Variants in IFNAR1 observed in about 807,000 individuals in gnomAD.
IFNAR1 encodes the protein interferon alpha and beta receptor subunit 1.
A neutral mutation model predicts 62.1 loss-of-function variants in IFNAR1; 47 were observed. That is an observed-to-expected ratio of 0.76 (90% CI 0.60 to 0.97). IFNAR1 has a LOEUF of 0.97. IFNAR1 is among the 50% of genes least tolerant of loss of function. IFNAR1 has a pLI of 0.00. For synonymous variants in IFNAR1, 219 were observed against 226.9 expected (o/e 0.97, Z 0.31); for missense variants, 638 against 654.5 (o/e 0.97, Z 0.27).
chr21:33,342,595 A>C (rs1217144220), intron 3 of IFNAR1, among the ~76,000 whole-genome samples: 1 of 151,824 alleles, frequency 6.6e-6, no homozygotes, highest in Non-Finnish European at 1.5e-5. Context: ...CTGTAATCCC[A>C]GCACTTTGGG....
chr21:33,328,519 C>CA (rs962920201), intron 1 of IFNAR1, among the ~76,000 whole-genome samples: 58 of 151,736 alleles, frequency 3.8e-4, no homozygotes, highest in Non-Finnish European at 2.9e-5. Context: ...ACTTTTTCCC[C>CA]AAAAAAAATC....
At position 33,343,397 on chromosome 21, in the gene IFNAR1, T is replaced by G; in HGVS notation, c.506T>G (p.Ile169Ser). The change falls in exon 4 of 11, where the codon ATC (isoleucine) becomes AGC (serine). Residue 169 changes from isoleucine (I) to serine (S), a missense_variant. By Grantham distance (142) the Ile-to-Ser change is moderately radical. Coordinates refer to ENST00000270139, the MANE Select transcript of IFNAR1 (RefSeq NM_000629.3). The part of the protein sequence containing the change: ...DGLSFTYSLV[I>S]WKNSSGVEER... Reference sequence around the variant, plus strand: ...TTAAGCTTTACATATAGCTTAGTTATCTGGAAAAACTCTTCAGGTGTAGAA... The same window carrying G: ...TTAAGCTTTACATATAGCTTAGTTAGCTGGAAAAACTCTTCAGGTGTAGAA... 1 of 1,612,744 alleles carries G rather than the reference T, an allele frequency of 6.2e-7. No individual in the cohort carries two copies. The highest frequency in any genetic ancestry group is 1.7e-5 in the Admixed American group (1 of 59,962).
intron 3 of IFNAR1, among the ~76,000 whole-genome samples, chr21:33,342,668 C>A (rs1375823395): frequency 6.7e-6 from 1 of 148,176 alleles, no homozygotes; most frequent in East Asian, 2.0e-4. Flanking sequence ...CACGGTGAAA[C>A]CCTGTCTCTA....
chr21:33,340,005 C>A (rs1057172869), intron 2 of IFNAR1, among the ~76,000 whole-genome samples: 5 of 151,528 alleles, frequency 3.3e-5, no homozygotes, highest in African/African-American at 1.2e-4. Flanking sequence ...TCTTCTTCCC[C>A]TTTCTGGGCA....
rs538755984 is a variant in IFNAR1, at chr21:33,335,577, A to C, written c.130A>C (p.Asn44His). The C allele has an allele frequency of 9.9e-6, 16 of 1,608,088 alleles. No individual in the cohort carries two copies. In the Admixed American group the frequency reaches 2.4e-4, roughly 24 times the overall value. ...QKVEVDIIDDNFILRWNRSDE... is the reference protein window; with the variant it reads ...QKVEVDIIDDHFILRWNRSDE... ...AGTAGAGGTCGACATCATAGATGACAACTTTATCCTGAGGTGGAACAGGAG... is the reference window on the plus strand; with the variant it reads ...AGTAGAGGTCGACATCATAGATGACCACTTTATCCTGAGGTGGAACAGGAG... The change falls in exon 2 of 11, where the codon AAC (asparagine) becomes CAC (histidine). Residue 44 changes from asparagine (N) to histidine (H), a missense_variant. Asn to His is a moderately conservative substitution (Grantham distance 68, BLOSUM62 1). Transcript: ENST00000270139.
rs2856973 is a variant in IFNAR1, at chr21:33,353,821, T to A, written c.1440+38T>A. 0.75 allele frequency: 1,018,216 copies of A among 1,349,960 alleles called. 387,127 individuals carry two copies. The highest frequency in any genetic ancestry group is 0.99 in the East Asian group (39,916 of 40,302). The allele number at this position is 1,349,960 out of a possible 1,614,324, so 83.6% of individuals were successfully genotyped here. On this transcript the variant is annotated intron_variant, in intron 10 of 10. Transcript: ENST00000270139. ...TTTTATTTTTTTGTCAACAGCTAGG[T>A]AATGAACAGAAAATGTGTTTGATTT...
intron 2 of IFNAR1, among the ~76,000 whole-genome samples, chr21:33,336,991 T>G (rs2083243554): frequency 6.6e-6 from 1 of 152,120 alleles, no homozygotes; most frequent in Admixed American, 6.6e-5. Context: ...CCTCAGGTGG[T>G]CTGCTCACCT....
At chr21:33,338,206 T>C (rs758622468) in intron 2 of IFNAR1, among the ~76,000 whole-genome samples, 4 of 152,006 alleles carry the variant, frequency 2.6e-5, no homozygotes, top group Non-Finnish European at 5.9e-5. Context: ...CCATGAGATA[T>C]TGTCTCCCCG....
intron 1 of IFNAR1, among the ~76,000 whole-genome samples, chr21:33,326,598 T>A (rs2083129188): frequency 6.6e-6 from 1 of 152,200 alleles, no homozygotes; most frequent in Non-Finnish European, 1.5e-5. Context: ...CAGCAAAGAA[T>A]TGACTTATGA....
intron 2 of IFNAR1, among the ~76,000 whole-genome samples, chr21:33,338,991 C>G (rs938381195): frequency 6.6e-6 from 1 of 152,104 alleles, no homozygotes; most frequent in South Asian, 2.1e-4. Flanking sequence ...ATCCACCCCC[C>G]TCGGCCTCCC....
chr21:33,353,347 TTGC>T (rs1202290815), intron 9 of IFNAR1, among the ~76,000 whole-genome samples: 1 of 152,166 alleles, frequency 6.6e-6, no homozygotes, highest in Non-Finnish European at 1.5e-5. Flanking sequence ...CTATTAAATT[TTGC>T]TAGTTGTATG....
intron 5 of IFNAR1, among the ~76,000 whole-genome samples, chr21:33,344,506 T>A (rs976638204): frequency 1.5e-4 from 23 of 152,242 alleles, no homozygotes; most frequent in Middle Eastern, 3.4e-3. Flanking sequence ...TTATCCCCAA[T>A]TCCATTCACT....
chr21:33,325,064 C>A lies in IFNAR1; in HGVS notation c.9C>A (p.Val3=), dbSNP rs1224222463. The change falls in exon 1 of 11, where the codon GTC becomes GTA. Residue 3 remains valine, a synonymous_variant. Coordinates refer to ENST00000270139, the MANE Select transcript of IFNAR1 (RefSeq NM_000629.3). MM[V]VLLGATTLVL... ...TCTGCGGCGGCTCCCAGATGATGGT[C>A]GTCCTCCTGGGCGCGACGACCCTAG... The A allele has an allele frequency of 6.2e-7, 1 of 1,605,572 alleles. No homozygotes were observed. Among genetic ancestry groups the A allele is most frequent in the African/African-American group, 1.3e-5 (1 of 74,904 alleles).
intron 1 of IFNAR1, among the ~76,000 whole-genome samples, chr21:33,329,570 A>G (rs932352308): frequency 6.6e-5 from 10 of 152,234 alleles, no homozygotes; most frequent in African/African-American, 2.4e-4. Context: ...AGAAAGTTCT[A>G]TACAAGAACC....
chr21:33,339,647 C>A (rs1179934775), intron 2 of IFNAR1, among the ~76,000 whole-genome samples: 2 of 152,058 alleles, frequency 1.3e-5, no homozygotes, highest in Non-Finnish European at 2.9e-5. Context: ...ATTGGCCGGG[C>A]ATGGTGGCTC....
At chr21:33,331,968 A>G (rs2083185651) in intron 1 of IFNAR1, among the ~76,000 whole-genome samples, 1 of 152,182 alleles carries the variant, frequency 6.6e-6, no homozygotes, top group Non-Finnish European at 1.5e-5. Flanking sequence ...ACTACGTCCA[A>G]GCCCTGCCAC....
chr21:33,341,960 C>T (rs1442367677), intron 3 of IFNAR1, among the ~76,000 whole-genome samples: 1 of 152,142 alleles, frequency 6.6e-6, no homozygotes, highest in East Asian at 1.9e-4. Context: ...GGATTACAGG[C>T]GTGAGCCACC....
chr21:33,333,136 T>C (rs942412321), intron 1 of IFNAR1, among the ~76,000 whole-genome samples: 6 of 152,046 alleles, frequency 3.9e-5, no homozygotes, highest in African/African-American at 1.4e-4. Context: ...TTTAAGAAAA[T>C]CCCCATTCAG....
At chr21:33,345,933 A>T (rs2083341262) in intron 6 of IFNAR1, among the ~76,000 whole-genome samples, 1 of 152,216 alleles carries the variant, frequency 6.6e-6, no homozygotes, top group Non-Finnish European at 1.5e-5. Flanking sequence ...AATGAAAGAG[A>T]ACTGGCCTGG....
Sources: gnomAD v4.1 joint callset for allele counts (sites outside exome capture counted in the v4.1 genomes callset) on GRCh38, gnomAD v4.1.1 for gene constraint, MANE v1.5 for transcripts, NCBI Gene and HGNC (gene_info 2026-07-23, HGNC 2026-07-21) for gene names.